Variants in SPOCK1 observed in about 807,000 individuals in gnomAD.
The protein encoded by SPOCK1 is SPARC (osteonectin), cwcv and kazal like domains proteoglycan 1.
Under a neutral mutation model 55.3 loss-of-function variants are expected in SPOCK1, and 23 were observed. The ratio of observed to expected loss-of-function variants is 0.42; its 90% CI spans 0.30 to 0.59. SPOCK1 has a LOEUF of 0.59. Among genes scored for constraint, SPOCK1 ranks in the 20% least tolerant of loss-of-function variants. SPOCK1 has a pLI of 0.22. For missense variants in SPOCK1, 499 were observed against 552.5 expected (o/e 0.90, Z 0.97); for synonymous variants, 226 against 221.0 (o/e 1.02, Z -0.20).
At chr5:137,399,343 G>C (rs910298800) in intron 2 of SPOCK1, among the ~76,000 whole-genome samples, 1 of 151,242 alleles carries the variant, frequency 6.6e-6, no homozygotes, top group Non-Finnish European at 1.5e-5. Flanking sequence ...TCACTACTGG[G>C]CTATATTGCC....
chr5:137,481,124 C>T (rs1753941616), intron 2 of SPOCK1, among the ~76,000 whole-genome samples: 1 of 152,128 alleles, frequency 6.6e-6, no homozygotes, highest in African/African-American at 2.4e-5. Flanking sequence ...TCATTCTCCC[C>T]CTCGCCCTCT....
At chr5:137,024,720 T>C (rs929079180) in intron 6 of SPOCK1, among the ~76,000 whole-genome samples, 21 of 152,124 alleles carry the variant, frequency 1.4e-4, no homozygotes, top group African/African-American at 4.8e-4. Flanking sequence ...TAGTTAAGAC[T>C]GGAGGCATCC....
At chr5:137,440,150 T>C (rs1752963815) in intron 2 of SPOCK1, among the ~76,000 whole-genome samples, 1 of 151,898 alleles carries the variant, frequency 6.6e-6, no homozygotes, top group South Asian at 2.1e-4. Flanking sequence ...ATAGTAACCA[T>C]GAAATAGTAA....
chr5:136,988,386 C>G, intron 8 of SPOCK1, 36 bp downstream of exon 8: 1 of 1,586,230 alleles, frequency 6.3e-7, no homozygotes, highest in East Asian at 2.2e-5. Flanking sequence ...CAAGGCTGCC[C>G]TGGGCTAGGG....
At position 136,996,682 on chromosome 5, in the gene SPOCK1, T is replaced by C. The variant is rs556383516; in HGVS notation, c.590-4082A>G. Among the ~76,000 whole-genome samples the C allele has an allele frequency of 4.7e-4, 72 of 152,222 alleles. 2 individuals are homozygous for C. In the South Asian group the frequency reaches 0.01, roughly 22 times the overall value. ...GAGGATTATAAAATGCACCAATCAG[T>C]GCTCTGTAAAAATGTACCAATCAGC... On this transcript the variant is annotated intron_variant, in intron 6 of 10. Coordinates refer to ENST00000394945, the MANE Select transcript of SPOCK1 (RefSeq NM_004598.4).
chr5:137,284,326 G>A (rs1346432151), intron 2 of SPOCK1, among the ~76,000 whole-genome samples: 3 of 152,172 alleles, frequency 2.0e-5, no homozygotes, highest in Non-Finnish European at 4.4e-5. Context: ...ACAACCAGCA[G>A]GGACTCAGAA....
chr5:137,122,067 C>T (rs994779179), intron 4 of SPOCK1, among the ~76,000 whole-genome samples: 3 of 151,734 alleles, frequency 2.0e-5, no homozygotes, highest in East Asian at 1.9e-4. Context: ...GACGTGACCA[C>T]GTAAAGTCTA....
intron 2 of SPOCK1, among the ~76,000 whole-genome samples, chr5:137,435,823 T>G (rs1384560187): frequency 1.3e-5 from 2 of 152,126 alleles, no homozygotes; most frequent in Admixed American, 6.5e-5. Flanking sequence ...ACCAGCATCT[T>G]AATTTTAATT....
chr5:137,154,674 G>T (rs1655031065), intron 3 of SPOCK1, among the ~76,000 whole-genome samples: 1 of 152,252 alleles, frequency 6.6e-6, no homozygotes, highest in South Asian at 2.1e-4. Context: ...CAATGGGCTG[G>T]CCTTGCTCCA....
intron 2 of SPOCK1, among the ~76,000 whole-genome samples, chr5:137,294,252 T>C (rs1203052093): frequency 6.6e-6 from 1 of 152,180 alleles, no homozygotes; most frequent in African/African-American, 2.4e-5. Flanking sequence ...CTGTACTAGA[T>C]CATATTTATT....
chr5:137,062,260 C>T (rs932478183), intron 6 of SPOCK1, among the ~76,000 whole-genome samples: 1 of 152,108 alleles, frequency 6.6e-6, no homozygotes, highest in African/African-American at 2.4e-5. Context: ...TGAGACTCTT[C>T]TTGATCCAAA....
chr5:137,316,561 A>G (rs1757883910), intron 2 of SPOCK1, among the ~76,000 whole-genome samples: 1 of 152,146 alleles, frequency 6.6e-6, no homozygotes, highest in Non-Finnish European at 1.5e-5. Flanking sequence ...CAGGCCCACA[A>G]CCAGGACTTG....
Position 137,197,365 on chromosome 5 carries a change from G to A in SPOCK1, c.233-56671C>T, listed in dbSNP as rs114069951. ...AGAACTATGAATTCTGCTTTGAAAG[G>A]AAGCAGAACTATGAATTCCAGCTCT... On this transcript the variant is annotated intron_variant, in intron 3 of 10. Coordinates refer to ENST00000394945, the MANE Select transcript of SPOCK1 (RefSeq NM_004598.4). Among the ~76,000 whole-genome samples the A allele has an allele frequency of 5.7e-3, 873 of 152,290 alleles. 10 individuals are homozygous for A. The highest frequency in any genetic ancestry group is 0.02 in the African/African-American group (819 of 41,548).
At chr5:137,260,153 A>T (rs1756719948) in intron 3 of SPOCK1, among the ~76,000 whole-genome samples, 1 of 152,140 alleles carries the variant, frequency 6.6e-6, no homozygotes, top group African/African-American at 2.4e-5. Context: ...GATTTGCCCA[A>T]AGTTGCACAT....
At chr5:137,363,693 A>T (rs1750998380) in intron 2 of SPOCK1, among the ~76,000 whole-genome samples, 3 of 152,260 alleles carry the variant, frequency 2.0e-5, no homozygotes. Context: ...CACGAGGCAG[A>T]TACCAGGTGC....
At chr5:137,279,610 A>G (rs1036319894) in intron 2 of SPOCK1, among the ~76,000 whole-genome samples, 1 of 152,212 alleles carries the variant, frequency 6.6e-6, no homozygotes, top group Middle Eastern at 3.2e-3. Context: ...ACAATGGGAG[A>G]TGCTGGCAGC....
At chr5:137,295,649 T>C (rs1350206208) in intron 2 of SPOCK1, among the ~76,000 whole-genome samples, 1 of 152,090 alleles carries the variant, frequency 6.6e-6, no homozygotes, top group Admixed American at 6.5e-5. Context: ...ACACTGTTTA[T>C]AATGCTGGCA....
At chr5:137,130,176 G>T (rs1347684691) in intron 4 of SPOCK1, among the ~76,000 whole-genome samples, 2 of 152,128 alleles carry the variant, frequency 1.3e-5, no homozygotes, top group East Asian at 3.9e-4. Flanking sequence ...CCCCTGCAAA[G>T]GCCTTCACTG....
chr5:137,462,694 A>G (rs1753514384), intron 2 of SPOCK1, among the ~76,000 whole-genome samples: 1 of 152,258 alleles, frequency 6.6e-6, no homozygotes, highest in Non-Finnish European at 1.5e-5. Flanking sequence ...GCAGGGGCTT[A>G]ATAAATGTAA....
Sources: gnomAD v4.1 joint callset for allele counts (sites outside exome capture counted in the v4.1 genomes callset) on GRCh38, gnomAD v4.1.1 for gene constraint, MANE v1.5 for transcripts, NCBI Gene and HGNC (gene_info 2026-07-23, HGNC 2026-07-21) for gene names.